CDH23: variants seen among roughly 807,000 people sequenced by gnomAD.
CDH23 encodes the protein cadherin related 23.
A neutral mutation model predicts 317.1 loss-of-function variants in CDH23; 189 were observed. The observed-to-expected ratio is 0.60, with a 90% CI of 0.53 to 0.67. CDH23 has a LOEUF of 0.67. Among genes scored for constraint, CDH23 ranks in the 30% least tolerant of loss-of-function variants. The pLI, the probability that CDH23 is intolerant of heterozygous loss-of-function variation, is 0.00. For missense variants in CDH23, 4,401 were observed against 4,592.4 expected (o/e 0.96, Z 1.20); for synonymous variants, 1,839 against 1,876.8 (o/e 0.98, Z 0.52).
chr10:71,659,794 C>G (rs1241580914), intron 14 of CDH23, among the ~76,000 whole-genome samples: 3 of 152,112 alleles, frequency 2.0e-5, no homozygotes, highest in Non-Finnish European at 4.4e-5. Flanking sequence ...CTAGAAGGAG[C>G]CTTCTCTGCT....
chr10:71,599,139 C>T (rs1860051329), intron 9 of CDH23, among the ~76,000 whole-genome samples: 1 of 152,144 alleles, frequency 6.6e-6, no homozygotes, highest in African/African-American at 2.4e-5. Flanking sequence ...CACAGCACAC[C>T]CCCATGTATT....
At chr10:71,573,748 A>T (rs1297999880) in intron 8 of CDH23, among the ~76,000 whole-genome samples, 1 of 152,192 alleles carries the variant, frequency 6.6e-6, no homozygotes, top group African/African-American at 2.4e-5. Flanking sequence ...AGCTTGGCTT[A>T]TGGCTGGGCT....
At chr10:71,566,257 C>T (rs1305201218) in intron 6 of CDH23, among the ~76,000 whole-genome samples, 1 of 152,106 alleles carries the variant, frequency 6.6e-6, no homozygotes, top group Non-Finnish European at 1.5e-5. Context: ...CCAGGAAGAA[C>T]CCTCAGCAGC....
In CDH23 at chr10:71,799,124, C is replaced by T. The variant is rs1399853677; in HGVS notation, c.7068C>T (p.Ala2356=). The part of the protein sequence containing the change: ...LEDSSAGKVI[A]NRTVDYEEVH... ...TCTGTGTCTTAGGGAAGGTCATTGC[C>T]AACCGGACAGTGGACTACGAGGAGG... The change falls in exon 51 of 70, where the codon GCC becomes GCT. Residue 2356 remains alanine (A), a synonymous_variant. Coordinates refer to ENST00000224721, the MANE Select transcript of CDH23 (RefSeq NM_022124.6). The T allele has an allele frequency of 6.2e-7, 1 of 1,613,632 alleles. No homozygotes were observed. The highest frequency in any genetic ancestry group is 8.5e-7 in the Non-Finnish European group (1 of 1,179,574).
intron 19 of CDH23, among the ~76,000 whole-genome samples, chr10:71,688,356 A>C (rs1183619382): frequency 1.3e-5 from 2 of 152,278 alleles, no homozygotes; most frequent in Non-Finnish European, 2.9e-5. Flanking sequence ...GAAGGCTGGA[A>C]TCAGGGACAG....
At chr10:71,406,210 T>G (rs1848091017) in intron 1 of CDH23, among the ~76,000 whole-genome samples, 1 of 152,134 alleles carries the variant, frequency 6.6e-6, no homozygotes, top group Non-Finnish European at 1.5e-5. Flanking sequence ...TTTCTGTTGC[T>G]TTTTGCTTTT....
chr10:71,578,065 A>C, intron 9 of CDH23, 73 bp downstream of exon 9: 11 of 1,410,914 alleles, frequency 7.8e-6, no homozygotes, highest in South Asian at 1.2e-5. Context: ...TAGGCATCTC[A>C]GGCTCTGAGG....
chr10:71,532,711 G>GTTTTTTTTTTTGTTTGTTTTTTTTTT (rs1855453031), intron 6 of CDH23, among the ~76,000 whole-genome samples: 1 of 128,100 alleles, frequency 7.8e-6, no homozygotes, highest in African/African-American at 2.9e-5. Flanking sequence ...TTTTGTTTTT[G>GTTTTTTTTTTTGTTTGTTTTTTTTTT]TTTTTTTTTT....
At chr10:71,642,692 ACCCGGCCTGGG>A (rs1279638102) in intron 11 of CDH23, among the ~76,000 whole-genome samples, 4 of 150,130 alleles carry the variant, frequency 2.7e-5, no homozygotes, top group African/African-American at 4.9e-5. Context: ...GAGCCACCGC[ACCCGGCCTGGG>A]CCCGGCCTCT....
At chr10:71,764,170 G>C (rs1358947313) in intron 38 of CDH23, among the ~76,000 whole-genome samples, 1 of 152,180 alleles carries the variant, frequency 6.6e-6, no homozygotes, top group Non-Finnish European at 1.5e-5. Flanking sequence ...GAGCATGGGG[G>C]ACTTCAGGTA....
Position 71,815,155 on chromosome 10 carries a change from G to A in CDH23, c.9942G>A (p.Thr3314=), listed in dbSNP as rs376804660. The change falls in exon 70 of 70, where the codon ACG becomes ACA. Residue 3314 remains threonine, a synonymous_variant. Transcript: ENST00000224721. ...AGGGCCTGGGCCGCTCGCTGGAGAC[G>A]CTGACCGCTGCCGAGGCCACTGCCT... ...DQKGLGRSLE[T]LTAAEATAFE... 7.6e-4 allele frequency: 1,219 copies of A among 1,611,124 alleles called. No individual in the cohort carries two copies. The highest frequency in any genetic ancestry group is 9.4e-4 in the Non-Finnish European group (1,111 of 1,178,956).
chr10:71,408,282 G>T (rs985412781), intron 1 of CDH23, among the ~76,000 whole-genome samples: 3 of 152,186 alleles, frequency 2.0e-5, no homozygotes, highest in African/African-American at 7.2e-5. Context: ...AGTAGACAAA[G>T]CATGGCCCTT....
At chr10:71,541,345 A>T (rs1855978156) in intron 6 of CDH23, among the ~76,000 whole-genome samples, 3 of 152,192 alleles carry the variant, frequency 2.0e-5, no homozygotes, top group African/African-American at 7.2e-5. Flanking sequence ...CCTATTGACA[A>T]CACACTCAAG....
At chr10:71,667,903 G>A (rs1481263821) in intron 14 of CDH23, among the ~76,000 whole-genome samples, 3 of 152,070 alleles carry the variant, frequency 2.0e-5, no homozygotes, top group Non-Finnish European at 2.9e-5. Context: ...CTACATGAGA[G>A]GGTGCCATGG....
At chr10:71,418,613 C>G (rs1490858763) in intron 1 of CDH23, among the ~76,000 whole-genome samples, 1 of 152,216 alleles carries the variant, frequency 6.6e-6, no homozygotes, top group Non-Finnish European at 1.5e-5. Context: ...AAAAGAGGCT[C>G]TCAGAAGTCT....
intron 38 of CDH23, among the ~76,000 whole-genome samples, chr10:71,759,946 C>T (rs200867080): frequency 1.5e-4 from 14 of 93,176 alleles, no homozygotes; most frequent in African/African-American, 4.4e-4. Flanking sequence ...TACACACACA[C>T]ATATATATAC....
Position 71,694,267 on chromosome 10 carries a change from C to T in CDH23, c.2289+8C>T, listed in dbSNP as rs377370897. ...AAAACTGGCATCGCCACCGTGAGTG[C>T]GCTCCCCTCCCGTGCCCCAGCTCCC... On this transcript the variant is annotated splice_region_variant and intron_variant, in intron 21 of 69. Coordinates refer to ENST00000224721, the MANE Select transcript of CDH23 (RefSeq NM_022124.6). 4.2e-5 allele frequency: 67 copies of T among 1,601,498 alleles called. No individual in the cohort carries two copies. The South Asian group carries it at 4.5e-4, about 11-fold the overall frequency.
chr10:71,705,230 T>C, intron 25 of CDH23, 100 bp downstream of exon 25: 1 of 1,145,034 alleles, frequency 8.7e-7, no homozygotes, highest in Non-Finnish European at 1.2e-6. Context: ...CACTGCTGTC[T>C]ATTGGACTTG....
intron 3 of CDH23, among the ~76,000 whole-genome samples, chr10:71,459,661 C>A (rs1392829856): frequency 6.6e-6 from 1 of 152,174 alleles, no homozygotes; most frequent in East Asian, 1.9e-4. Context: ...AACCAGGAAT[C>A]CCCTTAATGC....
Sources: gnomAD v4.1 joint callset for allele counts (sites outside exome capture counted in the v4.1 genomes callset) on GRCh38, gnomAD v4.1.1 for gene constraint, MANE v1.5 for transcripts, NCBI Gene and HGNC (gene_info 2026-07-23, HGNC 2026-07-21) for gene names.